OOEP: variants seen among roughly 807,000 people sequenced by gnomAD.
The protein encoded by OOEP is oocyte expressed protein.
A neutral mutation model predicts 13.7 loss-of-function variants in OOEP; 16 were observed. The ratio of observed to expected loss-of-function variants is 1.16; its 90% CI spans 0.79 to 1.77. OOEP has a LOEUF of 1.77. OOEP is among the 40% of genes most tolerant of loss of function. The pLI, the probability that OOEP is intolerant of heterozygous loss-of-function variation, is 0.00. For missense variants in OOEP, 195 were observed against 193.1 expected (o/e 1.01, Z -0.06); for synonymous variants, 89 against 77.1 (o/e 1.15, Z -0.81).
upstream of OOEP, among the ~76,000 whole-genome samples, chr6:73,372,908 CTTTT>C (rs371058661): frequency 2.2e-5 from 3 of 134,520 alleles, no homozygotes; most frequent in Admixed American, 7.8e-5. Context: ...TTTTTCTTTC[CTTTT>C]TTTTTTTTTT....
chr6:73,368,919 G>C, intron 2 of OOEP, 56 bp from the exon 3 acceptor site: 1 of 1,332,586 alleles, frequency 7.5e-7, no homozygotes, highest in Non-Finnish European at 1.1e-6. Context: ...TTGCTGTTTC[G>C]AACTACTCCG....
At chr6:73,390,919 A>AAAAT (rs892903414) in intron 2 of OOEP, 3 of 151,548 alleles carry the variant, frequency 2.0e-5, no homozygotes, top group East Asian at 1.9e-4. Flanking sequence ...AATAATAATA[A>AAAAT]AAATAAATAA....
chr6:73,372,631 C>T (rs955469539), upstream of OOEP, among the ~76,000 whole-genome samples: 40 of 152,172 alleles, frequency 2.6e-4, 1 homozygote, highest in Non-Finnish European at 4.1e-4. Flanking sequence ...CAGTCAGTCA[C>T]GTGGGCCTCC....
At chr6:73,376,341 G>GTTTTTT (rs1562278072) in intron 2 of OOEP, among the ~76,000 whole-genome samples, 5 of 67,914 alleles carry the variant, frequency 7.4e-5, no homozygotes, top group Non-Finnish European at 9.9e-5. Context: ...TGGACAAGGG[G>GTTTTTT]TTGTTTTTTT....
intron 1 of OOEP, 97 bp downstream of exon 1, chr6:73,369,506 G>A: frequency 6.7e-7 from 1 of 1,499,986 alleles, no homozygotes; most frequent in African/African-American, 1.4e-5. Context: ...AACACTCCTG[G>A]CTTGCGAATC....
At chr6:73,394,890 G>C (rs752195879) in exon 1 of OOEP, 3 of 1,613,088 alleles carry the variant, frequency 1.9e-6, no homozygotes, top group African/African-American at 1.3e-5. Flanking sequence ...CGTCGGACGC[G>C]CCCCTTCTTG....
Position 73,369,322 on chromosome 6 carries a change from A to G in OOEP, c.254T>C (p.Ile85Thr), listed in dbSNP as rs201767692. 1.2e-6 allele frequency: 2 copies of G among 1,613,638 alleles called. No homozygotes were observed. The highest frequency in any genetic ancestry group is 8.5e-7 in the Non-Finnish European group (1 of 1,179,842). ...TTCGACTAGGTTCCCTGAGTCCACT[A>G]TGTCCACTGTCAGCAGGGCCTGGCT... Reference protein sequence around the residue: ...WTSQALLTVDIVDSGNLVEIT... With the variant: ...WTSQALLTVDTVDSGNLVEIT... The change falls in exon 2 of 3, where the codon ATA (isoleucine) becomes ACA (threonine). Residue 85 changes from isoleucine (I) to threonine (T), a missense_variant. Transcript: ENST00000370359.
At chr6:73,372,407 G>T (rs1188142103), upstream of OOEP, among the ~76,000 whole-genome samples, 2 of 152,194 alleles carry the variant, frequency 1.3e-5, no homozygotes, top group African/African-American at 2.4e-5. Context: ...TAGCCCAACA[G>T]TGGCTAGTTC....
chr6:73,394,748 A>C (rs1429386759), exon 1 of OOEP: 3 of 1,045,138 alleles, frequency 2.9e-6, no homozygotes, highest in African/African-American at 3.2e-5. Context: ...ATCAGTGCGA[A>C]GTGGGCGGGA....
chr6:73,381,201 G>A, intron 2 of OOEP, among the ~76,000 whole-genome samples: 1 of 43,854 alleles, frequency 2.3e-5, no homozygotes, highest in East Asian at 6.2e-4. Flanking sequence ...AAACAAAAAA[G>A]TGTTAAAAAA....
Position 73,369,338 on chromosome 6 carries a change from G to A in OOEP, c.238C>T (p.Leu80=), listed in dbSNP as rs1412766621. The part of the protein sequence containing the change: ...IPEMEWTSQA[L]LTVDIVDSGN... ...GAGTCCACTATGTCCACTGTCAGCA[G>A]GGCCTGGCTCGTCCACTCCATTTCT... Residue 80 remains leucine, a synonymous_variant, in exon 2 of 3, where the codon CTG becomes TTG. Coordinates refer to ENST00000370359, the MANE Select transcript of OOEP (RefSeq NM_001080507.3). 1.9e-6 allele frequency: 3 copies of A among 1,613,736 alleles called. No individual in the cohort carries two copies. The highest frequency in any genetic ancestry group is 2.2e-5 in the East Asian group (1 of 44,894).
At chr6:73,389,164 C>A (rs1485833772) in intron 2 of OOEP, among the ~76,000 whole-genome samples, 1 of 152,126 alleles carries the variant, frequency 6.6e-6, no homozygotes, top group Non-Finnish European at 1.5e-5. Flanking sequence ...CAGAAGAAAC[C>A]GCCTGGCAGG....
At chr6:73,388,845 T>C (rs944258837) in intron 2 of OOEP, among the ~76,000 whole-genome samples, 10 of 152,308 alleles carry the variant, frequency 6.6e-5, no homozygotes, top group South Asian at 6.2e-4. Flanking sequence ...AATCAGCGCC[T>C]GCTGCTCCGA....
intron 2 of OOEP, 131 bp downstream of exon 2, chr6:73,369,075 G>C (rs1237816795): frequency 2.0e-6 from 2 of 985,438 alleles, no homozygotes; most frequent in African/African-American, 3.3e-5. Context: ...AACAAACTTC[G>C]TACAGCTAGC....
intron 2 of OOEP, chr6:73,391,676 A>G (rs186030416): frequency 6.5e-6 from 1 of 153,760 alleles, no homozygotes; most frequent in East Asian, 1.9e-4. Flanking sequence ...CTGTGACTAT[A>G]GCTTCTCAGA....
chr6:73,392,005 A>AG (rs967047057), intron 2 of OOEP, among the ~76,000 whole-genome samples: 6 of 152,208 alleles, frequency 3.9e-5, no homozygotes, highest in Non-Finnish European at 7.3e-5. Context: ...GTTTACGTGA[A>AG]GGTTCACTCT....
At chr6:73,391,506 G>A (rs78984888) in intron 2 of OOEP, 5,064 of 152,772 alleles carry the variant, frequency 0.033, 316 homozygotes, top group East Asian at 0.16. Flanking sequence ...TCTTTCTTCA[G>A]TTCTCCTTGG....
upstream of OOEP, among the ~76,000 whole-genome samples, chr6:73,372,074 C>T (rs1230047363): frequency 6.6e-6 from 1 of 152,138 alleles, no homozygotes; most frequent in African/African-American, 2.4e-5. Flanking sequence ...CACCACTGCA[C>T]TCCTGCTTGG....
chr6:73,384,805 C>T (rs911045612), intron 2 of OOEP, among the ~76,000 whole-genome samples: 1 of 151,324 alleles, frequency 6.6e-6, no homozygotes, highest in Admixed American at 6.6e-5. Context: ...GGCACAATCT[C>T]GGCTCACTGC....
Sources: allele counts gnomAD v4.1 joint callset (sites outside exome capture counted in the v4.1 genomes callset), GRCh38; gene constraint gnomAD v4.1.1; transcripts MANE v1.5; gene names NCBI Gene and HGNC (gene_info 2026-07-23, HGNC 2026-07-21).